The following E2F2 variants were observed in gnomAD, a reference collection of about 807,000 sequenced individuals.
E2F2 encodes transcription factor E2F2.
E2F2 carries 22 observed loss-of-function variants against 42.2 expected under a neutral mutation model. The ratio of observed to expected loss-of-function variants is 0.52; its 90% CI spans 0.37 to 0.74. The LOEUF is 0.74. Among genes scored for constraint, E2F2 ranks in the 30% least tolerant of loss-of-function variants. E2F2 has a pLI of 0.00. For missense variants in E2F2, 481 were observed against 557.8 expected (o/e 0.86, Z 1.39); for synonymous variants, 248 against 251.6 (o/e 0.99, Z 0.13).
Position 23,530,519 on chromosome 1 carries a change from G to A in E2F2, c.252+23C>T. 1.2e-6 allele frequency: 2 copies of A among 1,609,882 alleles called. No individual in the cohort carries two copies. The highest frequency in any genetic ancestry group is 8.5e-7 in the Non-Finnish European group (1 of 1,178,422). ...CACACCTGGAAAAGCATAGGGGGAA[G>A]CGGTGGGGGCCCCCAGCATTACCGG... On this transcript the variant is annotated intron_variant, in intron 1 of 6. Transcript: ENST00000361729. This position sits in a 1 kb window ranked among gnomAD's most constrained non-coding sequence, Gnocchi z 4.4.
At chr1:23,526,943 C>A (rs1478080878) in intron 1 of E2F2, among the ~76,000 whole-genome samples, 1 of 152,194 alleles carries the variant, frequency 6.6e-6, no homozygotes, top group Admixed American at 6.5e-5. Flanking sequence ...CCCAATGCGG[C>A]AAGTGTCCCC....
In E2F2 at chr1:23,508,192, A is replaced by G. The variant is rs947160616; in HGVS notation, c.*1688T>C. On this transcript the variant is annotated 3_prime_UTR_variant, in exon 7 of 7. Transcript: ENST00000361729. ...CTTGGGGGCCCAGGAATTTGAGCAA[A>G]TGATGAGGCACAATTGTCCCCAGCT... The G allele has an allele frequency of 9.2e-5, 14 of 152,270 alleles. No homozygotes were observed. The highest frequency in any genetic ancestry group is 2.9e-4 in the African/African-American group (12 of 41,442). The allele number at this position is 152,270 out of a possible 1,614,324, so 9.4% of individuals were successfully genotyped here.
intron 4 of E2F2, among the ~76,000 whole-genome samples, chr1:23,519,656 G>A (rs1166659531): frequency 1.3e-5 from 2 of 152,206 alleles, no homozygotes; most frequent in African/African-American, 2.4e-5. Flanking sequence ...TCGGCCGAAC[G>A]CGGCGGCTCA....
chr1:23,513,077 T>C (rs1642941480), intron 6 of E2F2, among the ~76,000 whole-genome samples: 1 of 151,814 alleles, frequency 6.6e-6, no homozygotes, highest in African/African-American at 2.4e-5. Context: ...CCTCTCCAAG[T>C]GCTGGATTAC....
At position 23,510,113 on chromosome 1, in the gene E2F2, G is replaced by C. The variant is rs755992777; in HGVS notation, c.1081C>G (p.Pro361Ala). ...TCCAAGGGGACCAGGGATGGAGGCG[G>C]TGGGGCCTGCTGGGGGGTTGGCGCT... ...APAPTPQQAPPPPSLVPLEAT... is the reference protein window; with the variant it reads ...APAPTPQQAPAPPSLVPLEAT... Residue 361 changes from proline to alanine, a missense_variant, in exon 7 of 7, where the codon CCG becomes GCG. Coordinates refer to ENST00000361729, the MANE Select transcript of E2F2 (RefSeq NM_004091.4). 1 of 1,604,448 alleles carries C rather than the reference G, an allele frequency of 6.2e-7. No homozygotes were observed. The highest frequency in any genetic ancestry group is 8.5e-7 in the Non-Finnish European group (1 of 1,176,274).
At chr1:23,517,633 T>C (rs900382895) in intron 5 of E2F2, among the ~76,000 whole-genome samples, 3 of 152,244 alleles carry the variant, frequency 2.0e-5, no homozygotes, top group Non-Finnish European at 2.9e-5. Flanking sequence ...TAGAACATTC[T>C]CTTGTGAAGC....
At chr1:23,515,404 C>T (rs186163206) in intron 6 of E2F2, among the ~76,000 whole-genome samples, 14 of 152,164 alleles carry the variant, frequency 9.2e-5, no homozygotes, top group African/African-American at 3.1e-4. Flanking sequence ...GCCCCTTCTT[C>T]GATTTGATCT....
downstream of E2F2, among the ~76,000 whole-genome samples, chr1:23,505,362 T>C (rs1052987499): frequency 2.6e-5 from 4 of 152,218 alleles, no homozygotes; most frequent in Non-Finnish European, 5.9e-5. Context: ...CTCAGCCTTT[T>C]GGCTAAGATC....
intron 1 of E2F2, among the ~76,000 whole-genome samples, chr1:23,525,515 T>C (rs1472529769): frequency 6.6e-6 from 1 of 152,072 alleles, no homozygotes; most frequent in Non-Finnish European, 1.5e-5. Flanking sequence ...GTAAATGGGG[T>C]AAAAATGCCT....
chr1:23,515,761 G>C (rs1452053311), intron 6 of E2F2, among the ~76,000 whole-genome samples: 2 of 151,744 alleles, frequency 1.3e-5, no homozygotes, highest in Non-Finnish European at 2.9e-5. Context: ...GAGTGCAGTG[G>C]CATGATCAGA....
chr1:23,524,999 C>T (rs562868049), intron 1 of E2F2, among the ~76,000 whole-genome samples: 88 of 152,320 alleles, frequency 5.8e-4, no homozygotes, highest in Admixed American at 2.7e-3. Flanking sequence ...CAGGGGACTT[C>T]CTGGCTCAGT....
chr1:23,524,138 T>C (rs1225963047), intron 2 of E2F2, among the ~76,000 whole-genome samples: 2 of 150,550 alleles, frequency 1.3e-5, no homozygotes, highest in African/African-American at 2.4e-5. Flanking sequence ...AAGATTTACA[T>C]GTCCAGGCTC....
At chr1:23,520,065 T>G (rs1354973442) in intron 4 of E2F2, among the ~76,000 whole-genome samples, 1 of 131,424 alleles carries the variant, frequency 7.6e-6, no homozygotes, top group East Asian at 2.3e-4. Context: ...GCAGCAATAG[T>G]AAGACTCCAT....
chr1:23,514,426 T>A (rs1357580565), intron 6 of E2F2, among the ~76,000 whole-genome samples: 1 of 152,168 alleles, frequency 6.6e-6, no homozygotes, highest in Non-Finnish European at 1.5e-5. Context: ...GTTGGGAGGC[T>A]GGGCTCTGGT....
chr1:23,519,136 G>T lies in E2F2; in HGVS notation c.738-6C>A. 6.2e-7 allele frequency: 1 copy of T among 1,609,234 alleles called. No individual in the cohort carries two copies. Among genetic ancestry groups the T allele is most frequent in the Non-Finnish European group, 8.5e-7 (1 of 1,176,522 alleles). ...GGTAAGTCACATAGGCCAGCGTAGGGCAGGAGAGTCAAGAAAAGTGACTGT... is the reference window on the plus strand; with the variant it reads ...GGTAAGTCACATAGGCCAGCGTAGGTCAGGAGAGTCAAGAAAAGTGACTGT... On this transcript the variant is annotated splice_polypyrimidine_tract_variant and splice_region_variant and intron_variant, in intron 4 of 6. Coordinates refer to ENST00000361729, the MANE Select transcript of E2F2 (RefSeq NM_004091.4).
intron 4 of E2F2, 87 bp downstream of exon 4, chr1:23,520,826 G>A (rs750234358): frequency 2.8e-5 from 38 of 1,338,810 alleles, no homozygotes; most frequent in Non-Finnish European, 3.6e-5. Context: ...CAGACCCTTA[G>A]GGTAAGTTAC....
intron 5 of E2F2, among the ~76,000 whole-genome samples, chr1:23,517,662 A>C (rs2148697307): frequency 6.6e-6 from 1 of 152,356 alleles, no homozygotes; most frequent in East Asian, 1.9e-4. Flanking sequence ...TAATAGATGA[A>C]GCAGAATGCA....
At chr1:23,512,523 C>T (rs139261878) in intron 6 of E2F2, among the ~76,000 whole-genome samples, 10 of 152,202 alleles carry the variant, frequency 6.6e-5, no homozygotes, top group East Asian at 3.9e-4. Flanking sequence ...GGCTTGGGAG[C>T]GGGGAGCATG....
In E2F2 at chr1:23,521,041, T is replaced by G; in HGVS notation, c.609A>C (p.Arg203Ser). The change falls in exon 4 of 7, where the codon AGA (arginine) becomes AGC (serine). Residue 203 changes from arginine to serine, a missense_variant. Transcript: ENST00000361729. ...GCCCCAGCTGTTGCTGCTTCCCAGGTCTGGTGGGGTCTTCAAACATTCCCC... is the reference window on the plus strand; with the variant it reads ...GCCCCAGCTGTTGCTGCTTCCCAGGGCTGGTGGGGTCTTCAAACATTCCCC... ...VGRGMFEDPT[R>S]PGKQQQLGQE... The G allele has an allele frequency of 3.7e-6, 6 of 1,613,194 alleles. No individual in the cohort carries two copies. Among genetic ancestry groups the G allele is most frequent in the Non-Finnish European group, 5.1e-6 (6 of 1,179,582 alleles).
Sources: gnomAD v4.1 joint callset for allele counts (sites outside exome capture counted in the v4.1 genomes callset) on GRCh38, gnomAD v4.1.1 for gene constraint, Gnocchi (gnomAD v3.1) non-coding constraint, MANE v1.5 for transcripts, NCBI Gene and HGNC (gene_info 2026-07-23, HGNC 2026-07-21) for gene names.